TCF20: variants seen among roughly 807,000 people sequenced by gnomAD.
TCF20 encodes the protein transcription factor 20, also known as SPRE-binding protein.
A neutral mutation model predicts 148.6 loss-of-function variants in TCF20; 3 were observed. That is an observed-to-expected ratio of 0.02 (90% CI 0.01 to 0.05). TCF20 has a LOEUF of 0.05. TCF20 is among the 10% of genes least tolerant of loss of function. The pLI is 1.00. For synonymous variants in TCF20, 1,049 were observed against 909.5 expected (o/e 1.15, Z -2.76); for missense variants, 2,350 against 2,429.3 (o/e 0.97, Z 0.69).
intron 1 of TCF20, 32 bp from the exon 2 acceptor site, chr22:42,215,373 C>T (rs1008445779): frequency 8.5e-6 from 13 of 1,531,896 alleles, no homozygotes; most frequent in African/African-American, 2.8e-5. Context: ...ACATTAGACA[C>T]GCATCTCCTT....
At chr22:42,179,507 A>AAAAG (rs1569110419) in intron 3 of TCF20, 102 bp downstream of exon 3, 8 of 762,448 alleles carry the variant, frequency 1.0e-5, no homozygotes, top group African/African-American at 5.5e-5. Flanking sequence ...AAAAAAAAAA[A>AAAAG]AAAAGAAAAG....
chr22:42,195,567 C>T (rs1261822882), intron 2 of TCF20, among the ~76,000 whole-genome samples: 1 of 148,802 alleles, frequency 6.7e-6, no homozygotes, highest in African/African-American at 2.5e-5. Flanking sequence ...ATGGCGCGAT[C>T]TCAGCTCACT....
At chr22:42,190,993 G>A (rs551022350) in intron 2 of TCF20, among the ~76,000 whole-genome samples, 1 of 152,160 alleles carries the variant, frequency 6.6e-6, no homozygotes, top group East Asian at 1.9e-4. Flanking sequence ...ACAGCCTTCA[G>A]GTTCTGCATT....
rs901422631 is a variant in TCF20, at chr22:42,299,901, C to T, written c.-37+43578G>A. ...AAAGGGGTAGAAGGGAAGCTTGGAG[C>T]GGGTGGAGGAGGAGGGGGAAAGGGA... On this transcript the variant is annotated intron_variant, in intron 1 of 1. Transcript: ENST00000515426. This position sits in a 1 kb window ranked among gnomAD's most constrained non-coding sequence, Gnocchi z 4.1. Among the ~76,000 whole-genome samples the T allele has an allele frequency of 3.5e-5, 4 of 115,012 alleles. No homozygotes were observed. The highest frequency in any genetic ancestry group is 3.2e-4 in the South Asian group (1 of 3,104). The allele number at this position is 115,012 out of a possible 152,430, so 75.5% of individuals were successfully genotyped here.
At chr22:42,296,664 A>AC (rs969678491) in intron 1 of TCF20, among the ~76,000 whole-genome samples, 4 of 151,766 alleles carry the variant, frequency 2.6e-5, no homozygotes, top group Non-Finnish European at 5.9e-5. Context: ...CAGGGCTGAG[A>AC]CCCCCACCCC....
At chr22:42,176,689 A>G (rs1936474388) in intron 3 of TCF20, among the ~76,000 whole-genome samples, 1 of 152,226 alleles carries the variant, frequency 6.6e-6, no homozygotes, top group South Asian at 2.1e-4. Context: ...GGTCTTAGAT[A>G]CATCTAATGC....
chr22:42,308,576 A>C (rs756486525), intron 1 of TCF20, among the ~76,000 whole-genome samples: 1 of 152,154 alleles, frequency 6.6e-6, no homozygotes, highest in Non-Finnish European at 1.5e-5. Context: ...TTACCTCTGC[A>C]CAACGTCCCC....
At chr22:42,249,726 A>G (rs1925209872) in intron 1 of TCF20, among the ~76,000 whole-genome samples, 1 of 152,254 alleles carries the variant, frequency 6.6e-6, no homozygotes, top group Non-Finnish European at 1.5e-5. Flanking sequence ...AAAAAATACA[A>G]GAAATCTCCC....
Position 42,213,803 on chromosome 22 carries a change from A to C in TCF20, c.1503T>G (p.Ser501=), listed in dbSNP as rs1921331571. 1.2e-6 allele frequency: 2 copies of C among 1,614,062 alleles called. No individual in the cohort carries two copies. Among genetic ancestry groups the C allele is most frequent in the Admixed American group, 1.7e-5 (1 of 60,004 alleles). ...SSKKADSCTN[S]EGSSQPEEQL... ...GTTCTTCAGGTTGTGAGGAGCCTTC[A>C]GAATTTGTGCAGCTATCTGCTTTCT... Residue 501 remains serine, a synonymous_variant, in exon 2 of 6, where the codon TCT becomes TCG. Coordinates refer to ENST00000677622, the MANE Select transcript of TCF20 (RefSeq NM_001378418.1).
intron 3 of TCF20, among the ~76,000 whole-genome samples, chr22:42,173,445 G>A (rs1936257033): frequency 6.6e-6 from 1 of 152,094 alleles, no homozygotes; most frequent in African/African-American, 2.4e-5. Flanking sequence ...AGATGTCCCA[G>A]TAATAAAAGT....
upstream of TCF20, among the ~76,000 whole-genome samples, chr22:42,285,436 A>T (rs745353566): frequency 2.6e-5 from 4 of 151,848 alleles, no homozygotes; most frequent in Non-Finnish European, 5.9e-5. This position sits in a 1 kb window ranked among gnomAD's most constrained non-coding sequence, Gnocchi z 4.2. Flanking sequence ...ACCCCCTCCG[A>T]GCAGCGCACC....
chr22:42,255,956 C>G (rs1304027123), intron 1 of TCF20, among the ~76,000 whole-genome samples: 1 of 152,186 alleles, frequency 6.6e-6, no homozygotes, highest in South Asian at 2.1e-4. Context: ...GGCCCTTAGC[C>G]TAAGGGCCCA....
At chr22:42,259,433 T>TA (rs1925917145) in intron 1 of TCF20, among the ~76,000 whole-genome samples, 1 of 152,198 alleles carries the variant, frequency 6.6e-6, no homozygotes, top group South Asian at 2.1e-4. Flanking sequence ...CATGTACTCC[T>TA]AGGCTGGAAT....
At chr22:42,303,853 G>C (rs1927383786) in intron 1 of TCF20, among the ~76,000 whole-genome samples, 1 of 151,806 alleles carries the variant, frequency 6.6e-6, no homozygotes, top group Non-Finnish European at 1.5e-5. Context: ...GGGAGGGAGA[G>C]GGGAATGTGG....
chr22:42,209,634 A>C lies in TCF20; in HGVS notation c.5655+17T>G, dbSNP rs1920924678. On this transcript the variant is annotated intron_variant, in intron 2 of 5. Coordinates refer to ENST00000677622, the MANE Select transcript of TCF20 (RefSeq NM_001378418.1). ...GAAATAAAAATCCCAAGCTGGTAAG[A>C]GATTTCTCATACTCACCATCTCTCT... The C allele has an allele frequency of 1.5e-5, 24 of 1,566,372 alleles. No homozygotes were observed. The highest frequency in any genetic ancestry group is 2.1e-5 in the Non-Finnish European group (24 of 1,158,590).
At chr22:42,265,774 C>G (rs966786571) in intron 1 of TCF20, among the ~76,000 whole-genome samples, 1 of 152,138 alleles carries the variant, frequency 6.6e-6, no homozygotes, top group South Asian at 2.1e-4. Flanking sequence ...TGAGTGAGAG[C>G]AGTCACCATA....
chr22:42,172,845 A>G (rs962890996), intron 3 of TCF20, among the ~76,000 whole-genome samples: 1 of 152,206 alleles, frequency 6.6e-6, no homozygotes, highest in Non-Finnish European at 1.5e-5. Flanking sequence ...CTTGGGACAC[A>G]GGGGCCTGCC....
intron 3 of TCF20, among the ~76,000 whole-genome samples, chr22:42,173,758 C>T (rs1293138476): frequency 6.6e-6 from 1 of 152,140 alleles, no homozygotes; most frequent in Non-Finnish European, 1.5e-5. Context: ...ACCGCAATGA[C>T]CAAGACATGG....
intron 1 of TCF20, among the ~76,000 whole-genome samples, chr22:42,243,163 T>G (rs1459796609): frequency 6.6e-6 from 1 of 151,656 alleles, no homozygotes; most frequent in East Asian, 1.9e-4. Context: ...CCACAGAATA[T>G]ACAACAAAGA....
Sources: allele counts gnomAD v4.1 joint callset (sites outside exome capture counted in the v4.1 genomes callset), GRCh38; gene constraint gnomAD v4.1.1; non-coding constraint Gnocchi (gnomAD v3.1); transcripts MANE v1.5; gene names NCBI Gene and HGNC (gene_info 2026-07-23, HGNC 2026-07-21).